NCOR1: variants seen among roughly 807,000 people sequenced by gnomAD.
NCOR1 encodes the protein protein phosphatase 1, regulatory subunit 109.
In NCOR1, 63 loss-of-function variants were observed where a neutral mutation model predicts 288.1. That is an observed-to-expected ratio of 0.22 (90% CI 0.18 to 0.27). The LOEUF (loss-of-function observed/expected upper bound fraction) is 0.27, where lower values mean the gene tolerates loss of function less well. Among genes scored for constraint, NCOR1 ranks in the 10% least tolerant of loss-of-function variants. The probability of loss-of-function intolerance (pLI) is 1.00; values close to 1 mark genes in which losing one functional copy is unlikely to be tolerated. For synonymous variants in NCOR1, 1,007 were observed against 1,065.9 expected (o/e 0.94, Z 1.08); for missense variants, 2,397 against 3,019.2 (o/e 0.79, Z 4.83).
chr17:16,142,679 A>C (rs2077322343), intron 11 of NCOR1, among the ~76,000 whole-genome samples: 1 of 152,222 alleles, frequency 6.6e-6, no homozygotes, highest in South Asian at 2.1e-4. Flanking sequence ...CTGATCATAA[A>C]TATTTATTAA....
intron 32 of NCOR1, chr17:16,065,983 G>C (rs2061072214): frequency 2.4e-6 from 1 of 410,252 alleles, no homozygotes; most frequent in Admixed American, 3.7e-5. Context: ...ATTTTTACCT[G>C]GCATCTGCAA....
chr17:16,062,570 G>C (rs994971264), intron 35 of NCOR1, among the ~76,000 whole-genome samples: 2 of 152,112 alleles, frequency 1.3e-5, no homozygotes, highest in African/African-American at 4.8e-5. Flanking sequence ...GCACCAACAA[G>C]AAGTACTACT....
intron 26 of NCOR1, among the ~76,000 whole-genome samples, chr17:16,078,787 G>A (rs781453135): frequency 6.6e-6 from 1 of 152,094 alleles, no homozygotes; most frequent in Non-Finnish European, 1.5e-5. Flanking sequence ...TGTTGGTCAG[G>A]CTGGTCTCAA....
intron 14 of NCOR1, among the ~76,000 whole-genome samples, chr17:16,133,330 G>C (rs7219365): frequency 0.049 from 7,520 of 152,230 alleles, 225 homozygotes; most frequent in African/African-American, 0.093. Context: ...GCTGGGAGTA[G>C]AGGATAGGGA....
chr17:16,119,493 A>C lies in NCOR1; in HGVS notation c.1853-8T>G, dbSNP rs2072525560. 6 of 1,588,156 alleles carry C rather than the reference A, an allele frequency of 3.8e-6. No homozygotes were observed. Among genetic ancestry groups the C allele is most frequent in the Non-Finnish European group, 5.1e-6 (6 of 1,166,312 alleles). ...CCACAGGCTCTGTAGAAACTAAAAT[A>C]AAGAGAGAACCCAATCAGGCAGAGA... On this transcript the variant is annotated splice_region_variant and splice_polypyrimidine_tract_variant and intron_variant, in intron 16 of 45. Coordinates refer to ENST00000268712, the MANE Select transcript of NCOR1 (RefSeq NM_006311.4).
intron 14 of NCOR1, among the ~76,000 whole-genome samples, chr17:16,126,963 T>C (rs1055434820): frequency 5.3e-5 from 8 of 152,124 alleles, no homozygotes; most frequent in Non-Finnish European, 7.4e-5. Context: ...GTAAGTGTAG[T>C]AGCGTACAGT....
chr17:16,195,287 A>G (rs1568611798), intron 1 of NCOR1, among the ~76,000 whole-genome samples: 1 of 152,168 alleles, frequency 6.6e-6, no homozygotes, highest in Non-Finnish European at 1.5e-5. Context: ...CCTGGCCAAC[A>G]TGGTGAAACT....
At chr17:16,142,345 A>T (rs1282020605) in intron 11 of NCOR1, among the ~76,000 whole-genome samples, 2 of 152,160 alleles carry the variant, frequency 1.3e-5, no homozygotes, top group Non-Finnish European at 2.9e-5. Flanking sequence ...ATTTATTTTG[A>T]AGTATACAGC....
intron 44 of NCOR1, 83 bp from the exon 45 acceptor site, chr17:16,035,027 T>A: frequency 7.4e-7 from 1 of 1,342,954 alleles, no homozygotes. Flanking sequence ...TATTGCTAAA[T>A]GAAAAAAAAG....
At chr17:16,073,203 C>T (rs906197230) in intron 28 of NCOR1, among the ~76,000 whole-genome samples, 2 of 152,156 alleles carry the variant, frequency 1.3e-5, no homozygotes, top group Admixed American at 6.5e-5. Flanking sequence ...TGACCAATTA[C>T]GCTTAAATTT....
chr17:16,169,617 T>A (rs1182343710), intron 4 of NCOR1, among the ~76,000 whole-genome samples: 1 of 138,680 alleles, frequency 7.2e-6, no homozygotes, highest in Non-Finnish European at 1.6e-5. Context: ...GGGTCCTGGG[T>A]TAATTTCAAC....
At chr17:16,200,592 C>G (rs1274716966) in intron 1 of NCOR1, among the ~76,000 whole-genome samples, 2 of 151,246 alleles carry the variant, frequency 1.3e-5, no homozygotes, top group Non-Finnish European at 2.9e-5. Flanking sequence ...ATCCACCAAG[C>G]GTCACAATAG....
chr17:16,106,854 CATATAT>C (rs1162344281), intron 19 of NCOR1, among the ~76,000 whole-genome samples: 709 of 46,144 alleles, frequency 0.015, 22 homozygotes, highest in African/African-American at 0.039. Context: ...CTTGATCAGA[CATATAT>C]ATATATATAT....
intron 19 of NCOR1, among the ~76,000 whole-genome samples, chr17:16,103,449 ACT>A (rs1423669954): frequency 6.6e-6 from 1 of 152,056 alleles, no homozygotes; most frequent in Non-Finnish European, 1.5e-5. Flanking sequence ...TCACTCTCTC[ACT>A]CTCATAACTT....
intron 43 of NCOR1, 37 bp downstream of exon 43, chr17:16,040,404 A>C (rs2057344743): frequency 6.3e-7 from 1 of 1,597,352 alleles, no homozygotes; most frequent in African/African-American, 1.3e-5. Context: ...CTGCTGTGCC[A>C]ATTTTGTATT....
chr17:16,151,936 CAAT>C lies in NCOR1; in HGVS notation c.842+7_842+9del, dbSNP rs769023845. 1.3e-6 allele frequency: 2 copies of C among 1,589,268 alleles called. No homozygotes were observed. ...TTAATTGAAGAACTCCAAAGATGAT[CAAT>C]ACTTACGTCTTGATGTTCTCATGGT... is the stretch of plus-strand genomic sequence containing the variant. On this transcript the variant is annotated splice_region_variant and intron_variant, in intron 8 of 45. Transcript: ENST00000268712.
Position 16,047,070 on chromosome 17 carries a change from C to A in NCOR1, c.6560G>T (p.Ser2187Ile). Residue 2187 changes from serine to isoleucine, a missense_variant, in exon 42 of 46, where the codon AGT becomes ATT. Transcript: ENST00000268712. ...GAAGAATGAAGGCAAGTAGCTTATA[C>A]TCCCTGGTGAGCGGGCATCATTCCT... ...EQRNDARSPG[S>I]ISYLPSFFTK... 2 of 1,613,214 alleles carry A rather than the reference C, an allele frequency of 1.2e-6. No homozygotes were observed. The highest frequency in any genetic ancestry group is 1.7e-6 in the Non-Finnish European group (2 of 1,179,650).
intron 3 of NCOR1, among the ~76,000 whole-genome samples, chr17:16,177,371 T>C (rs1311597860): frequency 6.6e-6 from 1 of 152,190 alleles, no homozygotes; most frequent in East Asian, 1.9e-4. Flanking sequence ...GGCGATTTTA[T>C]TTTTGGCATA....
At chr17:16,110,392 A>T (rs1390573458) in intron 18 of NCOR1, among the ~76,000 whole-genome samples, 3 of 152,036 alleles carry the variant, frequency 2.0e-5, no homozygotes, top group African/African-American at 7.2e-5. Context: ...ATTTTTTTTA[A>T]TTCCTTTTTA....
Sources: gnomAD v4.1 joint callset for allele counts (sites outside exome capture counted in the v4.1 genomes callset) on GRCh38, gnomAD v4.1.1 for gene constraint, MANE v1.5 for transcripts, NCBI Gene and HGNC (gene_info 2026-07-23, HGNC 2026-07-21) for gene names.